FTCDNL1: variants seen among roughly 807,000 people sequenced by gnomAD.
FTCDNL1 encodes formiminotransferase N-terminal subdomain-containing protein.
In FTCDNL1, 11 loss-of-function variants were observed where a neutral mutation model predicts 5.9. The ratio of observed to expected loss-of-function variants is 1.87; its 90% CI spans 1.18 to 3.10. FTCDNL1 has a LOEUF of 3.10. Ranked by LOEUF, FTCDNL1 falls within the 30% of genes most tolerant of loss-of-function variation. The probability of loss-of-function intolerance (pLI) is 0.00; values close to 1 mark genes in which losing one functional copy is unlikely to be tolerated. For synonymous variants in FTCDNL1, 58 were observed against 24.8 expected (o/e 2.34, Z -3.99); for missense variants, 115 against 65.5 (o/e 1.76, Z -2.61).
At chr2:199,700,961 A>G in the FTCDNL1 span, among the ~76,000 whole-genome samples, 2 of 152,126 alleles carry the variant, frequency 1.3e-5, no homozygotes, top group Admixed American at 6.5e-5. Context: ...TGCTCATTTA[A>G]TTTTACATAA....
At chr2:199,680,463 T>C in the FTCDNL1 span, among the ~76,000 whole-genome samples, 2 of 152,192 alleles carry the variant, frequency 1.3e-5, no homozygotes, top group African/African-American at 4.8e-5. Context: ...AATCATATCA[T>C]ATACATTTTG....
At chr2:199,696,410 T>C in the FTCDNL1 span, among the ~76,000 whole-genome samples, 1 of 152,286 alleles carries the variant, frequency 6.6e-6, no homozygotes, top group South Asian at 2.1e-4. Context: ...GAAGTGTTGT[T>C]GCCGGCAGAC....
At chr2:199,830,663 G>A (rs1217493673) in intron 3 of FTCDNL1, among the ~76,000 whole-genome samples, 2 of 152,056 alleles carry the variant, frequency 1.3e-5, no homozygotes, top group Non-Finnish European at 2.9e-5. Context: ...TTAAAGCGCG[G>A]GGCCCTAACC....
the FTCDNL1 span, among the ~76,000 whole-genome samples, chr2:199,726,016 G>T: frequency 1.3e-5 from 2 of 151,644 alleles, no homozygotes; most frequent in African/African-American, 2.4e-5. Context: ...TCTCTTTTAG[G>T]TACCCCAATC....
chr2:199,769,586 GA>G (rs1698710915), intron 3 of FTCDNL1, among the ~76,000 whole-genome samples: 1 of 152,182 alleles, frequency 6.6e-6, no homozygotes, highest in African/African-American at 2.4e-5. Flanking sequence ...CTAATACAAG[GA>G]GAGGGAAGAA....
chr2:199,787,290 C>G (rs1453102186), intron 3 of FTCDNL1, among the ~76,000 whole-genome samples: 1 of 152,026 alleles, frequency 6.6e-6, no homozygotes, highest in East Asian at 1.9e-4. Flanking sequence ...TCAAGCGATT[C>G]TCCTGACTCA....
At chr2:199,741,870 G>GT in the FTCDNL1 span, among the ~76,000 whole-genome samples, 2 of 152,158 alleles carry the variant, frequency 1.3e-5, no homozygotes, top group African/African-American at 4.8e-5. Context: ...ACCACAGAAT[G>GT]TTTTTAAATT....
chr2:199,763,446 C>T (rs1340798761), intron 3 of FTCDNL1, among the ~76,000 whole-genome samples: 2 of 152,216 alleles, frequency 1.3e-5, no homozygotes, highest in Admixed American at 6.5e-5. Context: ...TTTATGTAGC[C>T]CCCACCACCT....
At chr2:199,782,310 T>C (rs1352420233) in intron 3 of FTCDNL1, among the ~76,000 whole-genome samples, 1 of 152,212 alleles carries the variant, frequency 6.6e-6, no homozygotes, top group Non-Finnish European at 1.5e-5. Context: ...TGAGGAATAA[T>C]TTACATACAA....
chr2:199,669,815 G>A, the FTCDNL1 span, among the ~76,000 whole-genome samples: 1 of 152,050 alleles, frequency 6.6e-6, no homozygotes, highest in African/African-American at 2.4e-5. Flanking sequence ...ATGCAATGCT[G>A]GGTCACTCTT....
chr2:199,734,173 C>T, the FTCDNL1 span, among the ~76,000 whole-genome samples: 1 of 152,160 alleles, frequency 6.6e-6, no homozygotes, highest in African/African-American at 2.4e-5. Context: ...CAGTGGAAGG[C>T]AGGTCTGGAA....
chr2:199,791,851 T>C (rs919748970), intron 3 of FTCDNL1, among the ~76,000 whole-genome samples: 3 of 152,148 alleles, frequency 2.0e-5, no homozygotes, highest in Non-Finnish European at 2.9e-5. Context: ...TATATGTATA[T>C]GCATATGTGT....
At chr2:199,681,238 G>C in the FTCDNL1 span, among the ~76,000 whole-genome samples, 2 of 152,026 alleles carry the variant, frequency 1.3e-5, no homozygotes, top group Non-Finnish European at 2.9e-5. Flanking sequence ...TGGATCACCT[G>C]AGGTCAGGAG....
At chr2:199,785,249 C>CTTTTTTTTTT (rs61047289) in intron 3 of FTCDNL1, among the ~76,000 whole-genome samples, 5,311 of 76,532 alleles carry the variant, frequency 0.069, 964 homozygotes, top group Non-Finnish European at 0.088. Flanking sequence ...TTCCAAATTC[C>CTTTTTTTTTT]TTTTTTTTTT....
chr2:199,794,161 CTATT>C (rs759619426), intron 3 of FTCDNL1, among the ~76,000 whole-genome samples: 10 of 152,140 alleles, frequency 6.6e-5, no homozygotes, highest in Non-Finnish European at 1.0e-4. Context: ...TTAATCCTAT[CTATT>C]TGAGTACACA....
At position 199,821,540 on chromosome 2, in the gene FTCDNL1, G is replaced by A. The variant is rs539118446; in HGVS notation, c.212-1783C>T. On this transcript the variant is annotated intron_variant, in intron 3 of 4. Transcript: ENST00000420128. ...AGTGCAGTGGCATGATCTTGGCTCA[G>A]TGCAACCTCAGCCTCCTGAGTTCAA... Among the ~76,000 whole-genome samples, 6 of 151,524 alleles carry A rather than the reference G, an allele frequency of 4.0e-5. No individual in the cohort carries two copies. In the East Asian group the frequency reaches 9.8e-4, roughly 25 times the overall value.
the FTCDNL1 span, among the ~76,000 whole-genome samples, chr2:199,708,247 A>AT: frequency 9.9e-5 from 15 of 151,780 alleles, no homozygotes; most frequent in Non-Finnish European, 7.4e-5. Context: ...AGATATTGTG[A>AT]TTTTTTCATG....
intron 3 of FTCDNL1, among the ~76,000 whole-genome samples, chr2:199,779,356 T>G (rs1699244896): frequency 6.6e-6 from 1 of 152,256 alleles, no homozygotes; most frequent in Non-Finnish European, 1.5e-5. Context: ...GCCAGTTACC[T>G]AGACCTGACA....
chr2:199,735,700 G>A, the FTCDNL1 span, among the ~76,000 whole-genome samples: 70 of 152,208 alleles, frequency 4.6e-4, no homozygotes, highest in African/African-American at 6.3e-4. Context: ...GCAAGCACAC[G>A]GTATGCAGAC....
Sources: allele counts gnomAD v4.1 joint callset (sites outside exome capture counted in the v4.1 genomes callset), GRCh38; gene constraint gnomAD v4.1.1; transcripts MANE v1.5; gene names NCBI Gene and HGNC (gene_info 2026-07-23, HGNC 2026-07-21).